BABAM2: variants seen among roughly 807,000 people sequenced by gnomAD.
BABAM2 encodes the protein BRISC and BRCA1 A complex member 2.
BABAM2 carries 31 observed loss-of-function variants against 54.7 expected under a neutral mutation model. The observed-to-expected ratio is 0.57, with a 90% CI of 0.43 to 0.77. The LOEUF (loss-of-function observed/expected upper bound fraction) is 0.77. Among genes scored for constraint, BABAM2 ranks in the 30% least tolerant of loss-of-function variants. The pLI is 0.00. For synonymous variants in BABAM2, 167 were observed against 162.9 expected (o/e 1.03, Z -0.19); for missense variants, 364 against 455.8 (o/e 0.80, Z 1.83).
intron 10 of BABAM2, among the ~76,000 whole-genome samples, chr2:28,248,618 C>T (rs1285862538): frequency 6.6e-6 from 1 of 151,982 alleles, no homozygotes; most frequent in African/African-American, 2.4e-5. Flanking sequence ...TTTGTGGGTC[C>T]CAGTCAACTG....
intron 11 of BABAM2, among the ~76,000 whole-genome samples, chr2:28,331,292 A>T (rs566729921): frequency 9.8e-5 from 15 of 152,368 alleles, no homozygotes; most frequent in Admixed American, 3.9e-4. Context: ...CGTCAAAAGA[A>T]TTGCAACAAA....
rs144550431 is a variant in BABAM2 at position 28,075,558 on chromosome 2, A to ATG, written c.570+29778_570+29779dup. Reference sequence around the variant, plus strand: ...TCTCTCTCTCTCTCTTTCTCTGTGCATGTGTGTGTGTGTGTGTGTGCGTGT... The same window carrying ATG: ...TCTCTCTCTCTCTCTTTCTCTGTGCATGTGTGTGTGTGTGTGTGTGTGCGTGT... On this transcript the variant is annotated intron_variant, in intron 6 of 11. Transcript: ENST00000379624. Among the ~76,000 whole-genome samples, 548 of 147,936 alleles carry ATG rather than the reference A, an allele frequency of 3.7e-3. 1 individual carries two copies. The highest frequency in any genetic ancestry group is 6.8e-3 in the African/African-American group (277 of 40,548).
chr2:28,179,802 AAAAT>A (rs1221032610), intron 7 of BABAM2, among the ~76,000 whole-genome samples: 1 of 152,228 alleles, frequency 6.6e-6, no homozygotes, highest in African/African-American at 2.4e-5. Flanking sequence ...ATCAACATAC[AAAAT>A]AAATAGTGTT....
At chr2:28,275,864 C>T (rs1685832563) in intron 10 of BABAM2, among the ~76,000 whole-genome samples, 1 of 152,114 alleles carries the variant, frequency 6.6e-6, no homozygotes, top group South Asian at 2.1e-4. Flanking sequence ...TTTTCATGCG[C>T]TGTTAGAAAT....
chr2:28,200,049 TATA>T (rs1470134586), intron 7 of BABAM2, among the ~76,000 whole-genome samples: 1 of 152,230 alleles, frequency 6.6e-6, no homozygotes, highest in African/African-American at 2.4e-5. Context: ...TTTAGGGAAA[TATA>T]ATACACATTT....
intron 10 of BABAM2, among the ~76,000 whole-genome samples, chr2:28,269,988 G>A (rs1304210117): frequency 6.6e-6 from 1 of 152,042 alleles, no homozygotes; most frequent in East Asian, 1.9e-4. Flanking sequence ...TATAGCCTGT[G>A]TTCTATTTCC....
chr2:28,054,613 C>T (rs937340599), intron 6 of BABAM2, among the ~76,000 whole-genome samples: 9 of 152,174 alleles, frequency 5.9e-5, no homozygotes, highest in Non-Finnish European at 1.3e-4. Flanking sequence ...GCTAACAGGC[C>T]TGAGGACACA....
chr2:28,260,341 A>G (rs1435354002), intron 10 of BABAM2, among the ~76,000 whole-genome samples: 4 of 125,760 alleles, frequency 3.2e-5, no homozygotes, highest in Admixed American at 9.6e-5. Context: ...TTGCTCTATC[A>G]TCCAGGTTGG....
intron 7 of BABAM2, among the ~76,000 whole-genome samples, chr2:28,215,686 C>T (rs1200145537): frequency 6.6e-6 from 1 of 152,154 alleles, no homozygotes; most frequent in Non-Finnish European, 1.5e-5. Flanking sequence ...CTCTCTCCTA[C>T]CCATTTCCCT....
chr2:28,109,997 C>A (rs1366375752), intron 6 of BABAM2, among the ~76,000 whole-genome samples: 2 of 152,144 alleles, frequency 1.3e-5, no homozygotes, highest in Non-Finnish European at 2.9e-5. Context: ...CTCACTTTCT[C>A]ATTTTATAAA....
chr2:28,102,421 AGAATTTG>A (rs1366978946), intron 6 of BABAM2, among the ~76,000 whole-genome samples: 1 of 152,178 alleles, frequency 6.6e-6, no homozygotes, highest in Non-Finnish European at 1.5e-5. Flanking sequence ...TAAGAGTAGT[AGAATTTG>A]GAAGGTGACA....
At chr2:28,230,030 T>C (rs1573889630) in intron 7 of BABAM2, among the ~76,000 whole-genome samples, 1 of 152,266 alleles carries the variant, frequency 6.6e-6, no homozygotes, top group Admixed American at 6.5e-5. Context: ...ATTTCCATTT[T>C]TATATGTCCC....
In BABAM2 at chr2:28,095,778, C is replaced by A. The variant is rs184576447; in HGVS notation, c.571-33493C>A. 1.3e-3 allele frequency among the ~76,000 whole-genome samples: 197 copies of A among 152,262 alleles called. 1 individual carries two copies. The highest frequency in any genetic ancestry group is 2.0e-3 in the Admixed American group (30 of 15,278). On this transcript the variant is annotated intron_variant, in intron 6 of 11. Transcript: ENST00000379624. ...AGAACAAAGGACGTAATAATTCCGA[C>A]AGCTGTCTCTGAGGTTTTAAGTAGT... is the stretch of plus-strand genomic sequence containing the variant.
chr2:27,970,267 T>G (rs1006925469), intron 3 of BABAM2, among the ~76,000 whole-genome samples: 1 of 152,216 alleles, frequency 6.6e-6, no homozygotes, highest in Non-Finnish European at 1.5e-5. Flanking sequence ...TGTTATTTGT[T>G]CATTTCTTGT....
At chr2:27,909,409 G>GT (rs554647704) in intron 2 of BABAM2, among the ~76,000 whole-genome samples, 208 of 151,462 alleles carry the variant, frequency 1.4e-3, no homozygotes, top group South Asian at 2.3e-3. Flanking sequence ...CATTAAAAAA[G>GT]TTTTTTTTTG....
At chr2:28,310,142 C>A in intron 11 of BABAM2, 1 of 1,614,054 alleles carries the variant, frequency 6.2e-7, no homozygotes, top group Non-Finnish European at 8.5e-7. Flanking sequence ...GCATCCTCTC[C>A]AAATTGCATA....
At chr2:28,062,292 A>G (rs1398892383) in intron 6 of BABAM2, among the ~76,000 whole-genome samples, 3 of 149,960 alleles carry the variant, frequency 2.0e-5, no homozygotes, top group African/African-American at 7.4e-5. Flanking sequence ...CTGGCCGGGC[A>G]TGGTGGCACA....
At chr2:28,301,944 G>A (rs1688139157) in intron 11 of BABAM2, among the ~76,000 whole-genome samples, 1 of 152,130 alleles carries the variant, frequency 6.6e-6, no homozygotes, top group South Asian at 2.1e-4. Flanking sequence ...TTTTGACGAA[G>A]TTACCTTATA....
At chr2:28,326,331 A>G (rs2148322183) in intron 11 of BABAM2, among the ~76,000 whole-genome samples, 1 of 152,156 alleles carries the variant, frequency 6.6e-6, no homozygotes, top group East Asian at 1.9e-4. Context: ...GTCTGTGCTG[A>G]GCGCCTGCTC....
Sources: gnomAD v4.1 joint callset for allele counts (sites outside exome capture counted in the v4.1 genomes callset) on GRCh38, gnomAD v4.1.1 for gene constraint, MANE v1.5 for transcripts, NCBI Gene and HGNC (gene_info 2026-07-23, HGNC 2026-07-21) for gene names.